The following CAMKK1 variants were observed in gnomAD, a reference collection of about 807,000 sequenced individuals.
CAMKK1 encodes calcium/calmodulin-dependent protein kinase kinase 1.
CAMKK1 carries 20 observed loss-of-function variants against 63.5 expected under a neutral mutation model. The ratio of observed to expected loss-of-function variants is 0.32; its 90% CI spans 0.22 to 0.46. CAMKK1 has a LOEUF of 0.46. Ranked by LOEUF, CAMKK1 falls within the 20% of genes least tolerant of loss-of-function variation. The pLI, the probability that CAMKK1 is intolerant of heterozygous loss-of-function variation, is 1.00. For missense variants in CAMKK1, 588 were observed against 658.1 expected, an observed-to-expected ratio of 0.89 and a Z score of 1.17; for synonymous variants, 253 against 269.0, an observed-to-expected ratio of 0.94 and a Z score of 0.58.
Position 3,889,024 on chromosome 17 carries a change from C to A in CAMKK1, c.-43-3294G>T, listed in dbSNP as rs113484478. Among the ~76,000 whole-genome samples, 3,364 of 152,098 alleles carry A rather than the reference C, an allele frequency of 0.022. 72 individuals are homozygous for A. Among genetic ancestry groups the A allele is most frequent in the Non-Finnish European group, 0.033 (2,255 of 67,930 alleles). ...GCAGGTGTGTTTATGCGCCTGTGTG[C>A]CTGCAGGTCTCCGTGTACCTATGCC... On this transcript the variant is annotated intron_variant, in intron 1 of 15. Coordinates refer to ENST00000348335, the MANE Select transcript of CAMKK1 (RefSeq NM_032294.3). This position sits in a 1 kb window ranked among gnomAD's most constrained non-coding sequence, Gnocchi z 5.2.
intron 2 of CAMKK1, 119 bp downstream of exon 2, chr17:3,885,209 G>C: frequency 1.7e-6 from 2 of 1,198,336 alleles, no homozygotes; most frequent in Non-Finnish European, 2.3e-6. Context: ...GATCTCCCCA[G>C]CTCTGAGGGT....
chr17:3,867,441 G>A (rs1006877525), intron 14 of CAMKK1, among the ~76,000 whole-genome samples: 6 of 152,228 alleles, frequency 3.9e-5, no homozygotes, highest in African/African-American at 1.4e-4. Context: ...GTGAGAAGCA[G>A]GCTCTGAGCT....
chr17:3,864,371 T>C (rs1365101588), intron 15 of CAMKK1, among the ~76,000 whole-genome samples: 4 of 152,076 alleles, frequency 2.6e-5, no homozygotes, highest in South Asian at 2.1e-4. Flanking sequence ...CTCAGCCTCC[T>C]GAGTAGCTGG....
rs893015209 is a variant in CAMKK1 at position 3,883,316 on chromosome 17, C to T, written c.514+113G>A. On this transcript the variant is annotated intron_variant, in intron 5 of 15. Transcript: ENST00000348335. The surrounding 1 kb of genome is among the most constrained non-coding windows in gnomAD (Gnocchi z 4.7). ...GGCACATTCTGTCCCCAGGCCTCTGCTCACGCTGTCTCCCTCTCTACCCCA... is the reference window on the plus strand; with the variant it reads ...GGCACATTCTGTCCCCAGGCCTCTGTTCACGCTGTCTCCCTCTCTACCCCA... 4 of 1,463,142 alleles carry T rather than the reference C, an allele frequency of 2.7e-6. No homozygotes were observed. The highest frequency in any genetic ancestry group is 2.0e-4 in the Middle Eastern group (1 of 5,016). 90.6% of individuals were successfully genotyped at this position (1,463,142 alleles called of 1,614,324 possible).
In CAMKK1 at chr17:3,890,483, C is replaced by T. The variant is rs982856761; in HGVS notation, c.-44+2456G>A. 3.3e-5 allele frequency among the ~76,000 whole-genome samples: 5 copies of T among 152,140 alleles called. No individual in the cohort carries two copies. Among genetic ancestry groups the T allele is most frequent in the African/African-American group, 7.2e-5 (3 of 41,422 alleles). On this transcript the variant is annotated intron_variant, in intron 1 of 15. Coordinates refer to ENST00000348335, the MANE Select transcript of CAMKK1 (RefSeq NM_032294.3). The surrounding 1 kb of genome is among the most constrained non-coding windows in gnomAD (Gnocchi z 6.5). ...TCTTTCCAGCTAGCTGCCACCTCCCCGTCCATGTTCCCGAGCAGCTCAGAT... is the reference window on the plus strand; with the variant it reads ...TCTTTCCAGCTAGCTGCCACCTCCCTGTCCATGTTCCCGAGCAGCTCAGAT...
chr17:3,867,620 G>C (rs889026385), intron 14 of CAMKK1, among the ~76,000 whole-genome samples: 1 of 152,158 alleles, frequency 6.6e-6, no homozygotes, highest in South Asian at 2.1e-4. Flanking sequence ...TGGGGACCCC[G>C]TGGGAGTTGC....
rs2532949 is a variant in CAMKK1 at position 3,861,193 on chromosome 17, C to T, written c.*1018G>A. ...CCAGGTTCTGTGTCTCGTGATCCCTCCGACCTGGACAGTTTGTCCTTCGTT... is the reference window on the plus strand; with the variant it reads ...CCAGGTTCTGTGTCTCGTGATCCCTTCGACCTGGACAGTTTGTCCTTCGTT... On this transcript the variant is annotated 3_prime_UTR_variant, in exon 16 of 16. Transcript: ENST00000348335. The T allele has an allele frequency of 0.18, 27,551 of 152,290 alleles. 2,671 individuals carry two copies. The highest frequency in any genetic ancestry group is 0.21 in the African/African-American group (8,558 of 41,508). 9.4% of individuals were successfully genotyped at this position (152,290 alleles called of 1,614,324 possible).
chr17:3,864,294 T>G (rs1209511346), intron 15 of CAMKK1, among the ~76,000 whole-genome samples: 1 of 152,068 alleles, frequency 6.6e-6, no homozygotes, highest in Non-Finnish European at 1.5e-5. Context: ...TCGCCCAGGC[T>G]GGAGTGCAGT....
chr17:3,869,270 TTCTTTAAA>T (rs2054728739), intron 14 of CAMKK1, among the ~76,000 whole-genome samples: 1 of 152,206 alleles, frequency 6.6e-6, no homozygotes, highest in African/African-American at 2.4e-5. Context: ...CGCCCGCTAT[TTCTTTAAA>T]TCAGTCACTC....
In CAMKK1 at chr17:3,882,338, C is replaced by G; in HGVS notation, c.685+190G>C. ...TGGGGCTTGGCGATATTTGTTGAAT[C>G]TAACTGGATATTCTGGGCCTGGTTC... On this transcript the variant is annotated intron_variant, in intron 7 of 15. Transcript: ENST00000348335. The surrounding 1 kb of genome is among the most constrained non-coding windows in gnomAD (Gnocchi z 4.3). 6.2e-7 allele frequency: 1 copy of G among 1,613,788 alleles called. No individual in the cohort carries two copies. The highest frequency in any genetic ancestry group is 1.1e-5 in the South Asian group (1 of 91,060).
intron 12 of CAMKK1, among the ~76,000 whole-genome samples, chr17:3,870,510 T>C (rs940951522): frequency 3.3e-5 from 5 of 151,954 alleles, no homozygotes; most frequent in South Asian, 2.1e-4. Context: ...GGACTACAGG[T>C]GCCCGCCACC....
rs767340323 is a variant in CAMKK1 at position 3,880,406 on chromosome 17, G to A, written c.736C>T (p.Pro246Ser). Residue 246 changes from proline (P) to serine (S), a missense_variant, in exon 9 of 16, where the codon CCC (proline) becomes TCC (serine). By Grantham distance (74) the Pro-to-Ser change is moderately conservative. Around this residue, in one of 3 missense-constraint regions of CAMKK1, gnomAD observed 357 missense variants for 407.4 expected, o/e 0.88. Transcript: ENST00000348335. The stretch of plus-strand genomic sequence containing the variant: ...AGGCGAGCTTGCTCCTCCGAGAAGG[G>A]CTTGTCACAGGGCACTTCCATGACG... ...GPVMEVPCDK[P>S]FSEEQARLYL... 1 of 1,613,946 alleles carries A rather than the reference G, an allele frequency of 6.2e-7. No homozygotes were observed. Among genetic ancestry groups the A allele is most frequent in the Non-Finnish European group, 8.5e-7 (1 of 1,179,940 alleles).
At chr17:3,869,709 ACACATG>A in intron 13 of CAMKK1, 86 bp downstream of exon 13, 1 of 1,602,498 alleles carries the variant, frequency 6.2e-7, no homozygotes. Context: ...CAAACCCAAC[ACACATG>A]CATCCTGGTG....
chr17:3,878,156 C>T (rs2055250439), intron 9 of CAMKK1, among the ~76,000 whole-genome samples: 1 of 152,196 alleles, frequency 6.6e-6, no homozygotes, highest in Non-Finnish European at 1.5e-5. Context: ...TCATCATCTG[C>T]ATCGTTGCAC....
At chr17:3,865,390 G>T in intron 15 of CAMKK1, 1 of 991,378 alleles carries the variant, frequency 1.0e-6, no homozygotes, top group Non-Finnish European at 1.2e-6. Flanking sequence ...TGGGCACAGA[G>T]CCCCAGCAAT....
chr17:3,883,531 G>T lies in CAMKK1; in HGVS notation c.463-51C>A. On this transcript the variant is annotated intron_variant, in intron 4 of 15. Coordinates refer to ENST00000348335, the MANE Select transcript of CAMKK1 (RefSeq NM_032294.3). The surrounding 1 kb of genome is among the most constrained non-coding windows in gnomAD (Gnocchi z 4.7). Reference sequence around the variant, plus strand: ...ACTACTGTGCAGCCACCAGGGGCTAGAACAGGCTGGTACATGTGGACTGAG... The same window carrying T: ...ACTACTGTGCAGCCACCAGGGGCTATAACAGGCTGGTACATGTGGACTGAG... 1 of 1,432,708 alleles carries T rather than the reference G, an allele frequency of 7.0e-7. No individual in the cohort carries two copies. The highest frequency in any genetic ancestry group is 1.1e-5 in the South Asian group (1 of 87,334). 88.7% of individuals were successfully genotyped at this position (1,432,708 alleles called of 1,614,324 possible).
At position 3,885,445 on chromosome 17, in the gene CAMKK1, T is replaced by G. The variant is rs779189477; in HGVS notation, c.243A>C (p.Gly81=). 6.2e-7 allele frequency: 1 copy of G among 1,613,358 alleles called. No individual in the cohort carries two copies. Among genetic ancestry groups the G allele is most frequent in the East Asian group, 2.2e-5 (1 of 44,868 alleles). The part of the protein sequence containing the change: ...RKLSLQERPA[G]SYLEAQAGPY... ...GCCCAGCCTGCGCCTCCAGATAGCTTCCTGCTGGCCGCTCCTGTAGGGAAA... is the reference window on the plus strand; with the variant it reads ...GCCCAGCCTGCGCCTCCAGATAGCTGCCTGCTGGCCGCTCCTGTAGGGAAA... The change falls in exon 2 of 16, where the codon GGA becomes GGC. Residue 81 remains glycine (G), a synonymous_variant. Coordinates refer to ENST00000348335, the MANE Select transcript of CAMKK1 (RefSeq NM_032294.3).
chr17:3,867,983 G>A (rs564885879), intron 14 of CAMKK1, among the ~76,000 whole-genome samples: 35 of 119,468 alleles, frequency 2.9e-4, no homozygotes, highest in African/African-American at 1.3e-3. Flanking sequence ...TGGGGGAGAT[G>A]CAGGCACCGT....
chr17:3,862,458 C>A lies in CAMKK1; in HGVS notation c.1446-175G>T, dbSNP rs1011888181. Reference sequence around the variant, plus strand: ...CCTACATCACGGCAGTTGCTCCTTGCCGGTCTCTCAGCCCCCAGTCTCAGC... The same window carrying A: ...CCTACATCACGGCAGTTGCTCCTTGACGGTCTCTCAGCCCCCAGTCTCAGC... On this transcript the variant is annotated intron_variant, in intron 15 of 15. Transcript: ENST00000348335. The surrounding 1 kb of genome is among the most constrained non-coding windows in gnomAD (Gnocchi z 4.1). Among the ~76,000 whole-genome samples, 45 of 152,264 alleles carry A rather than the reference C, an allele frequency of 3.0e-4. No individual in the cohort carries two copies. The highest frequency in any genetic ancestry group is 8.9e-4 in the African/African-American group (37 of 41,546).
Sources: allele counts gnomAD v4.1 joint callset (sites outside exome capture counted in the v4.1 genomes callset), GRCh38; gene constraint gnomAD v4.1.1; regional missense constraint gnomAD v4.1.1; non-coding constraint Gnocchi (gnomAD v3.1); transcripts MANE v1.5; gene names NCBI Gene and HGNC (gene_info 2026-07-23, HGNC 2026-07-21).